Variants in HDAC9 observed in about 807,000 individuals in gnomAD.
HDAC9 encodes MEF-2 interacting transcription repressor (MITR) protein.
A neutral mutation model predicts 139.4 loss-of-function variants in HDAC9; 41 were observed. The ratio of observed to expected loss-of-function variants is 0.29; its 90% confidence interval spans 0.23 to 0.38. HDAC9 has a LOEUF of 0.38. HDAC9 is among the 10% of genes least tolerant of loss of function. The pLI is 1.00. For synonymous variants in HDAC9, 517 were observed against 476.2 expected (o/e 1.09, Z -1.12); for missense variants, 1,147 against 1,297.0 (o/e 0.88, Z 1.78).
chr7:18,263,225 ATGTTGTGTGTCAG>A (rs1356721277), intron 2 of HDAC9, among the ~76,000 whole-genome samples: 1 of 152,220 alleles, frequency 6.6e-6, no homozygotes, highest in Non-Finnish European at 1.5e-5. Flanking sequence ...TAATATCAGT[ATGTTGTGTGTCAG>A]ACCCAATAGA....
intron 12 of HDAC9, chr7:18,667,380 T>G (rs1795132375): frequency 1.0e-6 from 1 of 982,018 alleles, no homozygotes; most frequent in African/African-American, 1.7e-5. Flanking sequence ...TGTATCATAT[T>G]TTATATTGTC....
At chr7:18,773,969 C>A (rs1790538644) in intron 16 of HDAC9, among the ~76,000 whole-genome samples, 1 of 151,288 alleles carries the variant, frequency 6.6e-6, no homozygotes, top group African/African-American at 2.4e-5. Context: ...AACTTCTAAA[C>A]TTTCATTAAT....
chr7:18,456,093 C>A (rs1035994838), intron 1 of HDAC9, among the ~76,000 whole-genome samples: 3 of 152,152 alleles, frequency 2.0e-5, no homozygotes, highest in East Asian at 1.9e-4. Context: ...GGGTCCCCAG[C>A]ACATTTTATT....
chr7:18,644,594 A>G, intron 8 of HDAC9, 77 bp from the exon 9 acceptor site: 1 of 1,298,574 alleles, frequency 7.7e-7, no homozygotes, highest in Non-Finnish European at 1.1e-6. Flanking sequence ...GGTAAGACCC[A>G]TTTTCTGAAA....
chr7:18,480,849 A>G (rs770134485), intron 1 of HDAC9, among the ~76,000 whole-genome samples: 1 of 152,214 alleles, frequency 6.6e-6, no homozygotes, highest in Non-Finnish European at 1.5e-5. Context: ...CTGGGCTGCT[A>G]CATTGCCAAC....
intron 19 of HDAC9, among the ~76,000 whole-genome samples, chr7:18,833,575 T>G (rs1306498804): frequency 1.3e-5 from 2 of 152,206 alleles, no homozygotes; most frequent in African/African-American, 4.8e-5. Flanking sequence ...GTTTCACCCT[T>G]GTTTACATAC....
chr7:18,864,321 A>G (rs1209317927), intron 21 of HDAC9, among the ~76,000 whole-genome samples: 1 of 152,224 alleles, frequency 6.6e-6, no homozygotes, highest in Non-Finnish European at 1.5e-5. Context: ...GGTATCTAAA[A>G]TAGTCAAACT....
At chr7:18,476,941 T>C (rs1755017024) in intron 1 of HDAC9, among the ~76,000 whole-genome samples, 1 of 152,200 alleles carries the variant, frequency 6.6e-6, no homozygotes, top group African/African-American at 2.4e-5. Context: ...CCATGCCAAA[T>C]AGGTTTTCAA....
intron 12 of HDAC9, among the ~76,000 whole-genome samples, chr7:18,680,695 A>G (rs1236046202): frequency 6.6e-6 from 1 of 152,066 alleles, no homozygotes; most frequent in East Asian, 1.9e-4. Context: ...GTGGCCAGGC[A>G]GTGGCATATG....
intron 1 of HDAC9, among the ~76,000 whole-genome samples, chr7:18,419,852 A>G (rs1203938377): frequency 2.0e-5 from 3 of 152,224 alleles, no homozygotes; most frequent in Non-Finnish European, 4.4e-5. Flanking sequence ...GTTCATTAAA[A>G]ATTACAAGCA....
At chr7:18,678,854 A>G (rs1781697400) in intron 12 of HDAC9, among the ~76,000 whole-genome samples, 1 of 151,938 alleles carries the variant, frequency 6.6e-6, no homozygotes, top group Admixed American at 6.6e-5. Context: ...TCTTTCTTTA[A>G]AGAATGTTCA....
At chr7:18,838,269 T>C (rs536629678) in intron 21 of HDAC9, among the ~76,000 whole-genome samples, 49 of 152,180 alleles carry the variant, frequency 3.2e-4, no homozygotes, top group African/African-American at 1.2e-3. Context: ...GTCATACGTA[T>C]TATTCTAGAG....
chr7:18,857,204 AT>A lies in HDAC9; in HGVS notation c.2685-17265del, dbSNP rs202202855. 4.8e-4 allele frequency among the ~76,000 whole-genome samples: 72 copies of A among 149,724 alleles called. 1 individual carries two copies. The East Asian group carries it at 6.0e-3, about 13-fold the overall frequency. On this transcript the variant is annotated intron_variant, in intron 21 of 25. Transcript: ENST00000686413. ...ACTGAATAATTGCTTCTCTTTTTTT[AT>A]TTTTTTTTAACTGTGTTGCAGCACA...
intron 2 of HDAC9, among the ~76,000 whole-genome samples, chr7:18,205,943 T>C (rs926623065): frequency 1.3e-5 from 2 of 152,146 alleles, no homozygotes; most frequent in Admixed American, 6.6e-5. Context: ...CAAACATTCA[T>C]TGGTAATACC....
At chr7:18,598,288 C>G (rs1245195202) in intron 6 of HDAC9, among the ~76,000 whole-genome samples, 2 of 152,204 alleles carry the variant, frequency 1.3e-5, no homozygotes, top group East Asian at 3.9e-4. Flanking sequence ...TTGACGAACA[C>G]TGGAGCATTT....
At chr7:18,939,025 A>T (rs1382794144) in intron 23 of HDAC9, among the ~76,000 whole-genome samples, 1 of 152,200 alleles carries the variant, frequency 6.6e-6, no homozygotes, top group African/African-American at 2.4e-5. Flanking sequence ...TGCTAACTGA[A>T]ATGATTATTT....
chr7:18,350,252 C>G (rs1782749355), intron 1 of HDAC9, among the ~76,000 whole-genome samples: 1 of 151,872 alleles, frequency 6.6e-6, no homozygotes, highest in African/African-American at 2.4e-5. Context: ...ATGTTAATGC[C>G]AAGTTTTGAA....
At chr7:18,429,843 T>C (rs1173506899) in intron 1 of HDAC9, among the ~76,000 whole-genome samples, 1 of 152,192 alleles carries the variant, frequency 6.6e-6, no homozygotes. Flanking sequence ...ACTGAATTCT[T>C]CTTTAAATTA....
rs981130061 is a variant in HDAC9 at position 18,727,441 on chromosome 7, T to C, written c.1732-139T>C. On this transcript the variant is annotated intron_variant, in intron 12 of 25. Transcript: ENST00000686413. Reference sequence around the variant, plus strand: ...GGATCTTGTTTTTTCTCTCCCTTTCTCTATTTTTTTTTTCTTTTTCCTTCA... The same window carrying C: ...GGATCTTGTTTTTTCTCTCCCTTTCCCTATTTTTTTTTTCTTTTTCCTTCA... 4.3e-6 allele frequency: 3 copies of C among 689,678 alleles called. No homozygotes were observed. In the African/African-American group the frequency reaches 5.7e-5, roughly 13 times the overall value. The allele number at this position is 689,678 out of a possible 1,614,324, so 42.7% of individuals were successfully genotyped here. A position where few individuals can be genotyped will look rare whatever the true frequency, so the allele number is the denominator to read the frequency against.
Sources: gnomAD v4.1 joint callset for allele counts (sites outside exome capture counted in the v4.1 genomes callset) on GRCh38, gnomAD v4.1.1 for gene constraint, MANE v1.5 for transcripts, NCBI Gene and HGNC (gene_info 2026-07-23, HGNC 2026-07-21) for gene names.